The following DENND6A variants were observed in gnomAD, a reference collection of about 807,000 sequenced individuals.
DENND6A encodes protein DENND6A.
A neutral mutation model predicts 95.5 loss-of-function variants in DENND6A; 43 were observed. The observed-to-expected ratio is 0.45, with a 90% CI of 0.35 to 0.58. The LOEUF (loss-of-function observed/expected upper bound fraction) is 0.58, where lower values mean the gene tolerates loss of function less well. Ranked by LOEUF, DENND6A falls within the 20% of genes least tolerant of loss-of-function variation. The probability of loss-of-function intolerance (pLI) is 0.00; values close to 1 mark genes in which losing one functional copy is unlikely to be tolerated. For synonymous variants in DENND6A, 257 were observed against 260.4 expected (o/e 0.99, Z 0.13); for missense variants, 574 against 736.0 (o/e 0.78, Z 2.55).
intron 11 of DENND6A, 122 bp from the exon 12 acceptor site, chr3:57,641,869 A>G: frequency 1.5e-6 from 1 of 687,858 alleles, no homozygotes; most frequent in Non-Finnish European, 2.3e-6. Context: ...CCTTTATTCA[A>G]CACATTACAT....
chr3:57,668,473 C>CAT (rs1173613666), intron 3 of DENND6A, among the ~76,000 whole-genome samples: 1 of 152,132 alleles, frequency 6.6e-6, no homozygotes, highest in Non-Finnish European at 1.5e-5. Context: ...GGAACACCTA[C>CAT]ATCCAGATGA....
chr3:57,684,678 C>T (rs933780189), intron 1 of DENND6A, among the ~76,000 whole-genome samples: 2 of 152,154 alleles, frequency 1.3e-5, no homozygotes, highest in Non-Finnish European at 2.9e-5. Context: ...AGCTACTTGA[C>T]AGGCTGAGGT....
intron 1 of DENND6A, among the ~76,000 whole-genome samples, chr3:57,692,401 T>A (rs1443449153): frequency 6.6e-6 from 1 of 151,912 alleles, no homozygotes; most frequent in Admixed American, 6.6e-5. Context: ...GCTACTAGAG[T>A]TCATCATCTG....
intron 9 of DENND6A, among the ~76,000 whole-genome samples, chr3:57,650,906 T>A (rs2071195760): frequency 6.6e-6 from 1 of 151,464 alleles, no homozygotes. Context: ...TGCCTCAGCA[T>A]CCAGAGTAGC....
At chr3:57,664,705 T>C (rs1322228612) in intron 4 of DENND6A, among the ~76,000 whole-genome samples, 1 of 152,086 alleles carries the variant, frequency 6.6e-6, no homozygotes, top group Non-Finnish European at 1.5e-5. Context: ...TGGTGGCACG[T>C]GCCTGTAATC....
chr3:57,631,082 C>A, intron 15 of DENND6A, 104 bp from the exon 16 acceptor site: 2 of 922,634 alleles, frequency 2.2e-6, no homozygotes, highest in Non-Finnish European at 3.3e-6. Flanking sequence ...TATGCCCTTT[C>A]AATGGACAGC....
intron 7 of DENND6A, among the ~76,000 whole-genome samples, chr3:57,659,999 C>T (rs2071392850): frequency 6.6e-6 from 1 of 152,206 alleles, no homozygotes; most frequent in Non-Finnish European, 1.5e-5. Flanking sequence ...ACAAATGACA[C>T]TCTTCTGCAA....
At chr3:57,656,152 C>T (rs972306056) in intron 9 of DENND6A, among the ~76,000 whole-genome samples, 2 of 152,118 alleles carry the variant, frequency 1.3e-5, no homozygotes, top group African/African-American at 4.8e-5. Context: ...GTTCCATCAC[C>T]TCACGAAATG....
chr3:57,657,664 AT>A lies in DENND6A; in HGVS notation c.818+15del. 6.6e-7 allele frequency: 1 copy of A among 1,514,298 alleles called. No individual in the cohort carries two copies. The highest frequency in any genetic ancestry group is 1.8e-5 in the Admixed American group (1 of 54,378). The allele number at this position is 1,514,298 out of a possible 1,614,324, so 93.8% of individuals were successfully genotyped here. A position where few individuals can be genotyped will look rare whatever the true frequency, so the allele number is the denominator to read the frequency against. On this transcript the variant is annotated intron_variant, in intron 9 of 19. Coordinates refer to ENST00000311128, the MANE Select transcript of DENND6A (RefSeq NM_152678.3). Reference sequence around the variant, plus strand: ...AAGCAAAAGGAAGTCAGTTAATAAAATTTTTTATTCTTTACCTGAAAATATC... The same window carrying A: ...AAGCAAAAGGAAGTCAGTTAATAAAATTTTTATTCTTTACCTGAAAATATC...
chr3:57,643,144 GAAGAT>G (rs1156914015), intron 11 of DENND6A, among the ~76,000 whole-genome samples: 1 of 152,046 alleles, frequency 6.6e-6, no homozygotes, highest in African/African-American at 2.4e-5. Context: ...GCAATAGAAA[GAAGAT>G]AAGAAATGTA....
chr3:57,673,653 A>G (rs1412577077), intron 1 of DENND6A, among the ~76,000 whole-genome samples: 3 of 152,242 alleles, frequency 2.0e-5, no homozygotes, highest in African/African-American at 7.2e-5. Context: ...TTTGATCATT[A>G]TACATTGCAT....
intron 4 of DENND6A, among the ~76,000 whole-genome samples, chr3:57,664,930 G>T (rs1031858727): frequency 6.6e-6 from 1 of 152,182 alleles, no homozygotes; most frequent in Admixed American, 6.5e-5. Context: ...AAAAAGTAAA[G>T]ATTTCATGGA....
chr3:57,656,228 C>T (rs1365440053), intron 9 of DENND6A, among the ~76,000 whole-genome samples: 2 of 152,090 alleles, frequency 1.3e-5, no homozygotes, highest in African/African-American at 4.8e-5. Context: ...GATTTCTGTC[C>T]CTATAGTTTT....
intron 5 of DENND6A, among the ~76,000 whole-genome samples, chr3:57,662,568 G>C (rs1272103965): frequency 6.6e-6 from 1 of 151,990 alleles, no homozygotes; most frequent in African/African-American, 2.4e-5. Context: ...CTAAGATGTT[G>C]CTAAAGTTTA....
At chr3:57,651,359 T>A (rs991429985) in intron 9 of DENND6A, among the ~76,000 whole-genome samples, 6 of 152,198 alleles carry the variant, frequency 3.9e-5, no homozygotes, top group Non-Finnish European at 8.8e-5. Context: ...TGATTCATGA[T>A]ACTGCACAGA....
chr3:57,679,554 G>A, intron 1 of DENND6A: 1 of 985,418 alleles, frequency 1.0e-6, no homozygotes, highest in Non-Finnish European at 1.2e-6. Flanking sequence ...CAGTGGGGAA[G>A]GATGGAAAGT....
intron 1 of DENND6A, among the ~76,000 whole-genome samples, chr3:57,688,873 T>C (rs993691744): frequency 3.3e-5 from 5 of 152,148 alleles, no homozygotes; most frequent in Non-Finnish European, 7.4e-5. Flanking sequence ...TACAAAATTA[T>C]ATAAAGAAAA....
chr3:57,645,322 G>A (rs1029826959), intron 11 of DENND6A, among the ~76,000 whole-genome samples: 5 of 151,966 alleles, frequency 3.3e-5, no homozygotes, highest in African/African-American at 7.3e-5. Context: ...TTAGCCGGGC[G>A]TGGTGGCGCA....
intron 1 of DENND6A, 71 bp downstream of exon 1, chr3:57,692,711 G>C: frequency 1.5e-6 from 2 of 1,337,420 alleles, no homozygotes; most frequent in East Asian, 6.2e-5. Flanking sequence ...TCAGCCCGCG[G>C]GCCGCTGGCT....
Sources: allele counts gnomAD v4.1 joint callset (sites outside exome capture counted in the v4.1 genomes callset), GRCh38; gene constraint gnomAD v4.1.1; transcripts MANE v1.5; gene names NCBI Gene and HGNC (gene_info 2026-07-23, HGNC 2026-07-21).